GTPBP4: variants seen among roughly 807,000 people sequenced by gnomAD.
GTPBP4 encodes the protein GTP binding protein 4, also known as GTP-binding protein 4.
GTPBP4 carries 15 observed loss-of-function variants against 81.7 expected under a neutral mutation model. The ratio of observed to expected loss-of-function variants is 0.18; its 90% CI spans 0.12 to 0.28. The LOEUF is 0.28. GTPBP4 is among the 10% of genes least tolerant of loss of function. The pLI is 1.00. For missense variants in GTPBP4, 847 were observed against 793.8 expected (o/e 1.07, Z -0.81); for synonymous variants, 272 against 274.6 (o/e 0.99, Z 0.09).
intron 10 of GTPBP4, chr10:1,008,403 C>CA (rs143289549): frequency 0.027 from 7,191 of 269,148 alleles, 3 homozygotes; most frequent in South Asian, 0.044. Flanking sequence ...GAGACTCTGT[C>CA]AAAAAAAAAA....
chr10:1,017,258 G>T lies in GTPBP4; in HGVS notation c.*31G>T. On this transcript the variant is annotated 3_prime_UTR_variant, in exon 17 of 17. Transcript: ENST00000360803. ...GTTTGGTTGGCGTGGCTTCGCTAGA[G>T]TGTTGCTGTTTATTTCCTGGTTTGG... The T allele has an allele frequency of 6.3e-7, 1 of 1,599,016 alleles. No individual in the cohort carries two copies. Among genetic ancestry groups the T allele is most frequent in the South Asian group, 1.1e-5 (1 of 90,048 alleles).
At chr10:1,008,509 G>C (rs1432776736) in intron 10 of GTPBP4, 1 of 296,250 alleles carries the variant, frequency 3.4e-6, no homozygotes, top group African/African-American at 2.2e-5. Flanking sequence ...GTTGCACTCC[G>C]TTTCAAGTGG....
Position 992,475 on chromosome 10 carries a change from T to C in GTPBP4, c.49-14T>C, listed in dbSNP as rs1831462727. 2 of 1,534,362 alleles carry C rather than the reference T, an allele frequency of 1.3e-6. No individual in the cohort carries two copies. The highest frequency in any genetic ancestry group is 4.5e-5 in the East Asian group (2 of 44,500). ...CCTTTTGATGTAATTATGTTTTATT[T>C]TCTTTAATTGCAGGACTTCATAGAC... On this transcript the variant is annotated splice_polypyrimidine_tract_variant and intron_variant, in intron 1 of 16. Transcript: ENST00000360803.
intron 10 of GTPBP4, chr10:1,008,535 T>G (rs552901910): frequency 3.4e-6 from 1 of 297,012 alleles, no homozygotes; most frequent in South Asian, 3.1e-5. Context: ...ATTTCTGACC[T>G]GAGTATTGGA....
At chr10:1,004,299 G>C (rs1350221740) in intron 8 of GTPBP4, among the ~76,000 whole-genome samples, 1 of 152,160 alleles carries the variant, frequency 6.6e-6, no homozygotes, top group Non-Finnish European at 1.5e-5. Flanking sequence ...ACAGGGAGGA[G>C]GACAGCAGTG....
At chr10:1,016,659 C>T (rs1831999189) in intron 16 of GTPBP4, among the ~76,000 whole-genome samples, 1 of 152,208 alleles carries the variant, frequency 6.6e-6, no homozygotes, top group Non-Finnish European at 1.5e-5. Flanking sequence ...TGTGTGCTAA[C>T]CTTCTAGGTC....
At chr10:991,990 C>A (rs147802108) in intron 1 of GTPBP4, among the ~76,000 whole-genome samples, 1 of 150,882 alleles carries the variant, frequency 6.6e-6, no homozygotes. Flanking sequence ...CCACCGCGCC[C>A]GGCCGGTGTA....
At chr10:1,013,870 C>T (rs1831925766) in intron 14 of GTPBP4, among the ~76,000 whole-genome samples, 1 of 152,180 alleles carries the variant, frequency 6.6e-6, no homozygotes. Flanking sequence ...TTGTACTTCT[C>T]CAGGTGGGGC....
At chr10:1,014,403 TC>T (rs1256574660) in intron 15 of GTPBP4, 91 bp downstream of exon 15, 3 of 914,786 alleles carry the variant, frequency 3.3e-6, no homozygotes, top group Non-Finnish European at 5.3e-6. Flanking sequence ...ATGCCTGTAA[TC>T]CCAGCACTTT....
At chr10:1,008,918 C>A in intron 10 of GTPBP4, 40 bp from the exon 11 acceptor site, 1 of 1,423,524 alleles carries the variant, frequency 7.0e-7, no homozygotes, top group Non-Finnish European at 9.9e-7. Flanking sequence ...TCTCATTCAG[C>A]AGGCATTTCA....
At position 1,006,645 on chromosome 10, in the gene GTPBP4, A is replaced by G. The variant is rs111483285; in HGVS notation, c.1003-373A>G. On this transcript the variant is annotated intron_variant, in intron 9 of 16. Coordinates refer to ENST00000360803, the MANE Select transcript of GTPBP4 (RefSeq NM_012341.3). The stretch of plus-strand genomic sequence containing the variant: ...AAGAGCGAGATACCATCTCAAAAAA[A>G]AAGATGGCACTCCTGATGCCATGGT... Among the ~76,000 whole-genome samples the G allele has an allele frequency of 2.7e-3, 415 of 151,928 alleles. 1 individual carries two copies. Among genetic ancestry groups the G allele is most frequent in the African/African-American group, 9.6e-3 (399 of 41,540 alleles).
At chr10:1,014,891 C>T (rs1382358723) in intron 15 of GTPBP4, among the ~76,000 whole-genome samples, 2 of 144,626 alleles carry the variant, frequency 1.4e-5, no homozygotes, top group Non-Finnish European at 1.5e-5. Context: ...AAAAAAAAAG[C>T]TCCACAGCCA....
Position 1,009,046 on chromosome 10 carries a change from G to T in GTPBP4, c.1191+11G>T. 6.3e-7 allele frequency: 1 copy of T among 1,593,536 alleles called. No homozygotes were observed. The highest frequency in any genetic ancestry group is 1.1e-5 in the South Asian group (1 of 90,634). ...TCCAGGAAGAAGAGGGTATGCTGCC[G>T]AAGCTCTCGCCCAGTGTTCTCATGG... On this transcript the variant is annotated intron_variant, in intron 11 of 16. Transcript: ENST00000360803.
chr10:1,015,842 G>A lies in GTPBP4; in HGVS notation c.1698G>A (p.Arg566=). 1.4e-5 allele frequency: 23 copies of A among 1,614,074 alleles called. No individual in the cohort carries two copies. Among genetic ancestry groups the A allele is most frequent in the Non-Finnish European group, 1.8e-5 (21 of 1,179,902 alleles). Residue 566 remains arginine (R), a synonymous_variant, in exon 16 of 17, where the codon CGG becomes CGA. Coordinates refer to ENST00000360803, the MANE Select transcript of GTPBP4 (RefSeq NM_012341.3). ...EDSAPPSSVA[R]SGSCSRTPRD... ...CTGCTCCCCCGTCCTCTGTGGCCCG[G>A]AGTGGGAGTTGCTCTCGAACTCCAC...
At chr10:1,002,630 G>T (rs893904271) in intron 8 of GTPBP4, among the ~76,000 whole-genome samples, 1 of 151,962 alleles carries the variant, frequency 6.6e-6, no homozygotes, top group Non-Finnish European at 1.5e-5. Context: ...TGCTTTTCTC[G>T]GAAAGAATTT....
intron 2 of GTPBP4, among the ~76,000 whole-genome samples, chr10:993,978 C>T (rs1016969479): frequency 3.3e-5 from 5 of 151,408 alleles, no homozygotes; most frequent in African/African-American, 7.3e-5. Context: ...AGGCTTGTCT[C>T]GAACTCCTGA....
chr10:1,010,681 T>C (rs970593698), intron 13 of GTPBP4, among the ~76,000 whole-genome samples, 161 bp downstream of exon 13: 2 of 149,234 alleles, frequency 1.3e-5, no homozygotes, highest in Non-Finnish European at 3.0e-5. Flanking sequence ...CCTGAGACTC[T>C]GGTGGAGATA....
chr10:1,017,905 A>G lies in GTPBP4; in HGVS notation c.*678A>G, dbSNP rs1832019150. On this transcript the variant is annotated 3_prime_UTR_variant, in exon 17 of 17. Coordinates refer to ENST00000360803, the MANE Select transcript of GTPBP4 (RefSeq NM_012341.3). ...AAGTTACATGTTCAGTAAAACACAA[A>G]AACACCGCCAATGCCACCTCAAAAG... The G allele has an allele frequency of 1.3e-5, 2 of 152,166 alleles. No individual in the cohort carries two copies. Among genetic ancestry groups the G allele is most frequent in the South Asian group, 4.2e-4 (2 of 4,814 alleles). The allele number at this position is 152,166 out of a possible 1,614,324, so 9.4% of individuals were successfully genotyped here.
intron 9 of GTPBP4, among the ~76,000 whole-genome samples, chr10:1,006,133 C>T (rs531291086): frequency 1.3e-5 from 2 of 152,216 alleles, no homozygotes; most frequent in Non-Finnish European, 2.9e-5. Flanking sequence ...GCTCTTCTCA[C>T]CCCAAACAAC....
Sources: allele counts gnomAD v4.1 joint callset (sites outside exome capture counted in the v4.1 genomes callset), GRCh38; gene constraint gnomAD v4.1.1; transcripts MANE v1.5; gene names NCBI Gene and HGNC (gene_info 2026-07-23, HGNC 2026-07-21).